Variants in MFAP3L observed in about 807,000 individuals in gnomAD.
MFAP3L encodes microfibril associated protein 3 like.
Under a neutral mutation model 20.0 loss-of-function variants are expected in MFAP3L, and 5 were observed. The observed-to-expected ratio is 0.25, with a 90% confidence interval of 0.13 to 0.53. The LOEUF is 0.53. Among genes scored for constraint, MFAP3L ranks in the 20% least tolerant of loss-of-function variants. The pLI is 0.96. For synonymous variants in MFAP3L, 219 were observed against 213.0 expected (o/e 1.03, Z -0.25); for missense variants, 409 against 527.5 (o/e 0.78, Z 2.20).
intron 1 of MFAP3L, among the ~76,000 whole-genome samples, chr4:170,013,709 C>G (rs1739525253): frequency 6.6e-6 from 1 of 152,184 alleles, no homozygotes; most frequent in African/African-American, 2.4e-5. Flanking sequence ...ACATGCAGTG[C>G]AGGCTATTCT....
intron 1 of MFAP3L, among the ~76,000 whole-genome samples, chr4:170,023,271 C>T (rs373569633): frequency 1.3e-5 from 2 of 150,670 alleles, no homozygotes; most frequent in Admixed American, 1.3e-4. Flanking sequence ...CTCCCTGACT[C>T]GACTGTGACT....
intron 1 of MFAP3L, among the ~76,000 whole-genome samples, chr4:170,010,815 G>GT (rs58630360): frequency 1.1e-4 from 17 of 151,386 alleles, no homozygotes; most frequent in African/African-American, 4.2e-4. Context: ...TTGCGGGGGG[G>GT]TGGGTGCCCC....
At chr4:169,999,681 C>T (rs575673279) in intron 2 of MFAP3L, among the ~76,000 whole-genome samples, 1 of 152,298 alleles carries the variant, frequency 6.6e-6, no homozygotes, top group African/African-American at 2.4e-5. Context: ...TATCTGGGCT[C>T]ACATCCCAAG....
At chr4:170,007,301 T>C (rs1456291536) in intron 1 of MFAP3L, among the ~76,000 whole-genome samples, 1 of 152,202 alleles carries the variant, frequency 6.6e-6, no homozygotes, top group Non-Finnish European at 1.5e-5. Context: ...AATGGCATGA[T>C]AGACACCCTG....
chr4:170,002,572 C>G (rs1052455481), intron 2 of MFAP3L, among the ~76,000 whole-genome samples: 19 of 151,910 alleles, frequency 1.3e-4, no homozygotes, highest in African/African-American at 3.4e-4. Context: ...TGCAGTGGCG[C>G]GATCTCAGCT....
At chr4:169,997,537 G>A (rs903082867) in intron 2 of MFAP3L, among the ~76,000 whole-genome samples, 1 of 152,170 alleles carries the variant, frequency 6.6e-6, no homozygotes. Flanking sequence ...AACAAGAAAT[G>A]TGAATGGTGT....
chr4:170,015,800 A>G (rs897538858), intron 1 of MFAP3L, among the ~76,000 whole-genome samples: 2 of 151,898 alleles, frequency 1.3e-5, no homozygotes, highest in African/African-American at 4.8e-5. Context: ...CACTACTTTT[A>G]CCCTGTTACC....
intron 1 of MFAP3L, among the ~76,000 whole-genome samples, chr4:170,015,996 C>T (rs567017716): frequency 3.9e-5 from 6 of 152,016 alleles, no homozygotes; most frequent in Non-Finnish European, 7.4e-5. Context: ...CTTGAGTCTA[C>T]TATGGCAATT....
Position 170,003,336 on chromosome 4 carries a change from T to C in MFAP3L, c.298+2244A>G, listed in dbSNP as rs565613213. On this transcript the variant is annotated intron_variant, in intron 2 of 2. Coordinates refer to ENST00000361618, the MANE Select transcript of MFAP3L (RefSeq NM_021647.8). The stretch of plus-strand genomic sequence containing the variant: ...TGGCGGCCACTAGCTTGGGGTCTAC[T>C]GACAGGCTACTACTATAGTCCATCT... 5.3e-5 allele frequency among the ~76,000 whole-genome samples: 8 copies of C among 152,296 alleles called. No homozygotes were observed. The East Asian group carries it at 9.6e-4, about 18-fold the overall frequency.
chr4:170,019,443 T>C (rs1388598001), intron 1 of MFAP3L, among the ~76,000 whole-genome samples: 1 of 151,796 alleles, frequency 6.6e-6, no homozygotes, highest in Non-Finnish European at 1.5e-5. Flanking sequence ...ACTCCAGAGG[T>C]TGAGGTAGGA....
At chr4:170,018,941 A>C (rs548431660) in intron 1 of MFAP3L, among the ~76,000 whole-genome samples, 3 of 152,228 alleles carry the variant, frequency 2.0e-5, no homozygotes, top group African/African-American at 4.8e-5. Flanking sequence ...GATGAACTTC[A>C]TAACAGCAGC....
intron 2 of MFAP3L, chr4:169,997,802 CTTT>C (rs397768343): frequency 4.5e-5 from 42 of 940,326 alleles, no homozygotes; most frequent in East Asian, 2.5e-4. Context: ...TTCATTAATT[CTTT>C]TTTTTTTTTT....
intron 1 of MFAP3L, among the ~76,000 whole-genome samples, chr4:170,025,739 C>T (rs1740313481): frequency 6.6e-6 from 1 of 152,168 alleles, no homozygotes; most frequent in African/African-American, 2.4e-5. Context: ...CCCACAGCCG[C>T]CCGCACTCCT....
At chr4:170,002,534 A>T (rs1477717051) in intron 2 of MFAP3L, among the ~76,000 whole-genome samples, 1 of 152,022 alleles carries the variant, frequency 6.6e-6, no homozygotes, top group Non-Finnish European at 1.5e-5. Flanking sequence ...TTTTTCAGAC[A>T]GAGTCTCGTT....
chr4:170,009,211 C>T (rs544767182), intron 1 of MFAP3L, among the ~76,000 whole-genome samples: 1 of 151,848 alleles, frequency 6.6e-6, no homozygotes, highest in African/African-American at 2.4e-5. Flanking sequence ...GGTGAAACCC[C>T]ATCTCTACTA....
intron 2 of MFAP3L, among the ~76,000 whole-genome samples, chr4:170,000,960 T>G (rs1738574436): frequency 6.6e-6 from 1 of 152,232 alleles, no homozygotes; most frequent in South Asian, 2.1e-4. Flanking sequence ...TGGGCTCAAG[T>G]GACCCTCCCA....
At chr4:170,006,165 T>A (rs1183167857) in intron 1 of MFAP3L, among the ~76,000 whole-genome samples, 155 bp from the exon 2 acceptor site, 1 of 150,798 alleles carries the variant, frequency 6.6e-6, no homozygotes, top group Non-Finnish European at 1.5e-5. Context: ...CAGGCTAGAG[T>A]GCAGTGGGGC....
At chr4:170,018,812 C>A (rs1236760004) in intron 1 of MFAP3L, among the ~76,000 whole-genome samples, 1 of 152,188 alleles carries the variant, frequency 6.6e-6, no homozygotes, top group South Asian at 2.1e-4. Context: ...AACACCTTCC[C>A]GCCAACGTAG....
chr4:169,988,145 C>T lies in MFAP3L; in HGVS notation c.*3233G>A, dbSNP rs890821603. ...TAGAAGCTATATATCACATGTATCACGTTTGGTTCCTAGAGATTTTAGTCA... is the reference window on the plus strand; with the variant it reads ...TAGAAGCTATATATCACATGTATCATGTTTGGTTCCTAGAGATTTTAGTCA... On this transcript the variant is annotated 3_prime_UTR_variant, in exon 3 of 3. Transcript: ENST00000361618. 1.1e-4 allele frequency: 17 copies of T among 152,206 alleles called. No homozygotes were observed. Among genetic ancestry groups the T allele is most frequent in the African/African-American group, 3.9e-4 (16 of 41,526 alleles). The allele number at this position is 152,206 out of a possible 1,614,324, so 9.4% of individuals were successfully genotyped here.
Sources: gnomAD v4.1 joint callset for allele counts (sites outside exome capture counted in the v4.1 genomes callset) on GRCh38, gnomAD v4.1.1 for gene constraint, MANE v1.5 for transcripts, NCBI Gene and HGNC (gene_info 2026-07-23, HGNC 2026-07-21) for gene names.